Variants in THADA observed in about 807,000 individuals in gnomAD.
THADA encodes the protein tRNA (32-2'-O)-methyltransferase regulator THADA.
THADA carries 213 observed loss-of-function variants against 219.8 expected under a neutral mutation model. The observed-to-expected ratio is 0.97, with a 90% CI of 0.87 to 1.09. The LOEUF is 1.09. THADA is among the 50% of genes least tolerant of loss of function. The pLI is 0.00. For missense variants in THADA, 2,956 were observed against 2,311.3 expected, an observed-to-expected ratio of 1.28 and a Z score of -5.72; for synonymous variants, 1,018 against 828.9, an observed-to-expected ratio of 1.23 and a Z score of -3.92.
At chr2:43,380,160 T>C (rs1671827053) in intron 29 of THADA, among the ~76,000 whole-genome samples, 1 of 152,166 alleles carries the variant, frequency 6.6e-6, no homozygotes, top group South Asian at 2.1e-4. Flanking sequence ...AGACTAAAGT[T>C]TAATGTACGC....
chr2:43,390,352 G>A (rs1673215009), intron 29 of THADA, among the ~76,000 whole-genome samples: 1 of 152,144 alleles, frequency 6.6e-6, no homozygotes, highest in Admixed American at 6.5e-5. Context: ...ACTTTCCTAT[G>A]GGTAAAGATA....
intron 26 of THADA, among the ~76,000 whole-genome samples, chr2:43,465,988 T>C (rs1292990816): frequency 1.3e-5 from 2 of 152,176 alleles, no homozygotes; most frequent in African/African-American, 4.8e-5. Context: ...ATGTTTCCTC[T>C]TCCCTGGCCC....
intron 13 of THADA, 24 bp downstream of exon 13, chr2:43,571,683 A>G: frequency 6.3e-7 from 1 of 1,598,918 alleles, no homozygotes; most frequent in Non-Finnish European, 8.5e-7. Flanking sequence ...CCACTTCCCT[A>G]TGCCTTCTGA....
chr2:43,396,760 G>A (rs1674091677), intron 29 of THADA, among the ~76,000 whole-genome samples: 1 of 151,846 alleles, frequency 6.6e-6, no homozygotes, highest in Non-Finnish European at 1.5e-5. Flanking sequence ...GCAGTGAGCC[G>A]AGACTGCACC....
chr2:43,354,525 C>T (rs1173899163), intron 29 of THADA, among the ~76,000 whole-genome samples: 1 of 151,464 alleles, frequency 6.6e-6, no homozygotes, highest in Admixed American at 6.6e-5. Flanking sequence ...CCTCCCCAGC[C>T]TCTGATAACT....
chr2:43,269,413 C>A (rs1297478328), intron 36 of THADA, among the ~76,000 whole-genome samples: 1 of 152,232 alleles, frequency 6.6e-6, no homozygotes, highest in Non-Finnish European at 1.5e-5. Flanking sequence ...AGCAACCAGG[C>A]CCAGCCAGGG....
chr2:43,366,047 T>C lies in THADA; in HGVS notation c.4228-21810A>G, dbSNP rs139529511. Among the ~76,000 whole-genome samples, 25 of 152,290 alleles carry C rather than the reference T, an allele frequency of 1.6e-4. No homozygotes were observed. The East Asian group carries it at 4.8e-3, about 29-fold the overall frequency. Reference sequence around the variant, plus strand: ...AATGACCCTTGAATTATGTTGAGCATAGAGATACTAAAGAGACAGTATCTT... The same window carrying C: ...AATGACCCTTGAATTATGTTGAGCACAGAGATACTAAAGAGACAGTATCTT... On this transcript the variant is annotated intron_variant, in intron 29 of 37. Coordinates refer to ENST00000405975, the MANE Select transcript of THADA (RefSeq NM_022065.5).
intron 29 of THADA, among the ~76,000 whole-genome samples, chr2:43,369,649 C>A (rs1670574690): frequency 6.6e-6 from 1 of 152,118 alleles, no homozygotes; most frequent in African/African-American, 2.4e-5. Context: ...CCTTCATGAC[C>A]AAAATCTCCA....
At chr2:43,466,466 C>T (rs1684248332) in intron 26 of THADA, among the ~76,000 whole-genome samples, 1 of 152,122 alleles carries the variant, frequency 6.6e-6, no homozygotes, top group Non-Finnish European at 1.5e-5. Flanking sequence ...TCCATACCTC[C>T]TTGCATACCT....
At chr2:43,380,580 G>A (rs1308086390) in intron 29 of THADA, among the ~76,000 whole-genome samples, 1 of 152,170 alleles carries the variant, frequency 6.6e-6, no homozygotes, top group African/African-American at 2.4e-5. Context: ...AAATAGACAT[G>A]TGTGCATAAA....
intron 29 of THADA, among the ~76,000 whole-genome samples, chr2:43,360,264 A>G (rs2104586161): frequency 6.6e-6 from 1 of 152,310 alleles, no homozygotes; most frequent in Non-Finnish European, 1.5e-5. Flanking sequence ...ATGTCGTTTT[A>G]TCTCCTATAG....
intron 29 of THADA, among the ~76,000 whole-genome samples, chr2:43,373,948 A>T (rs1255654635): frequency 2.6e-5 from 4 of 152,148 alleles, no homozygotes; most frequent in African/African-American, 9.7e-5. Flanking sequence ...CCTGAGAGTG[A>T]TTTTACCTTT....
chr2:43,515,166 ATATATTATATAT>A (rs1691365800), intron 22 of THADA, among the ~76,000 whole-genome samples: 1 of 32,036 alleles, frequency 3.1e-5, no homozygotes, highest in Non-Finnish European at 5.5e-5. Flanking sequence ...ATTATATATA[ATATATTATATAT>A]TATATATAAT....
intron 29 of THADA, among the ~76,000 whole-genome samples, chr2:43,368,667 C>T (rs967703174): frequency 1.3e-5 from 2 of 151,932 alleles, no homozygotes; most frequent in Admixed American, 1.3e-4. Flanking sequence ...CAAAGTGCTG[C>T]TGGGGTTAAA....
chr2:43,322,296 G>T (rs112925542), intron 30 of THADA, among the ~76,000 whole-genome samples: 7 of 151,980 alleles, frequency 4.6e-5, no homozygotes, highest in Non-Finnish European at 8.8e-5. Flanking sequence ...CTGAGGTCAG[G>T]AGATCGAGAT....
At chr2:43,539,802 GT>G (rs1040858691) in intron 21 of THADA, among the ~76,000 whole-genome samples, 204 of 144,930 alleles carry the variant, frequency 1.4e-3, no homozygotes, top group African/African-American at 4.2e-3. Flanking sequence ...TGTGATAATT[GT>G]TTTTTTTTTT....
intron 19 of THADA, among the ~76,000 whole-genome samples, chr2:43,551,335 T>C (rs1252589771): frequency 6.6e-6 from 1 of 152,190 alleles, no homozygotes; most frequent in Non-Finnish European, 1.5e-5. Flanking sequence ...ACCAAAAACG[T>C]TCTCAATTTA....
chr2:43,232,882 T>C lies in THADA; in HGVS notation c.5297A>G (p.Glu1766Gly). Residue 1766 changes from glutamate to glycine, a missense_variant and splice_region_variant, in exon 37 of 38, where the codon GAG (glutamate) becomes GGG (glycine). Coordinates refer to ENST00000405975, the MANE Select transcript of THADA (RefSeq NM_022065.5). ...MSQENTCQST[E>G]FAFCQVDASI... ...GGCATCCACCTGGCAGAAGGCAAAC[T>C]CTGCAAAGACAGGAGAAAGGTGAGC... 2 of 1,607,674 alleles carry C rather than the reference T, an allele frequency of 1.2e-6. No individual in the cohort carries two copies. Among genetic ancestry groups the C allele is most frequent in the Non-Finnish European group, 1.7e-6 (2 of 1,177,462 alleles).
intron 22 of THADA, among the ~76,000 whole-genome samples, chr2:43,525,371 C>G (rs1693038808): frequency 6.6e-6 from 1 of 152,194 alleles, no homozygotes; most frequent in African/African-American, 2.4e-5. Context: ...TAGACTGAAT[C>G]CAGGCTGGTC....
Sources: gnomAD v4.1 joint callset for allele counts (sites outside exome capture counted in the v4.1 genomes callset) on GRCh38, gnomAD v4.1.1 for gene constraint, MANE v1.5 for transcripts, NCBI Gene and HGNC (gene_info 2026-07-23, HGNC 2026-07-21) for gene names.